MAPK10: variants seen among roughly 807,000 people sequenced by gnomAD.
MAPK10 encodes JNK3 alpha protein kinase.
A neutral mutation model predicts 59.3 loss-of-function variants in MAPK10; 25 were observed. The observed-to-expected ratio is 0.42, with a 90% CI of 0.31 to 0.59. The LOEUF is 0.59. MAPK10 is among the 20% of genes least tolerant of loss of function. The pLI is 0.15. For synonymous variants in MAPK10, 190 were observed against 200.5 expected, an observed-to-expected ratio of 0.95 and a Z score of 0.44; for missense variants, 351 against 568.9, an observed-to-expected ratio of 0.62 and a Z score of 3.90.
chr4:86,552,455 AGGAAGGAGGGAGGGAGGGAGGGAG>A (rs1440455400), intron 1 of MAPK10, among the ~76,000 whole-genome samples: 2 of 69,868 alleles, frequency 2.9e-5, no homozygotes, highest in African/African-American at 1.0e-4. Context: ...GAAGGAAGGA[AGGAAGGAGGGAGGGAGGGAGGGAG>A]GGAGGGAGGG....
intron 1 of MAPK10, among the ~76,000 whole-genome samples, chr4:86,489,614 T>G (rs1754302880): frequency 6.6e-6 from 1 of 152,206 alleles, no homozygotes; most frequent in Admixed American, 6.5e-5. Flanking sequence ...GAAAAGGATT[T>G]CTCCTAAAGT....
At chr4:86,225,636 C>T (rs1288121219) in intron 2 of MAPK10, among the ~76,000 whole-genome samples, 1 of 152,120 alleles carries the variant, frequency 6.6e-6, no homozygotes, top group African/African-American at 2.4e-5. Context: ...GGGACCCGCC[C>T]CCCAACACAT....
chr4:86,160,715 G>C (rs1490329670), intron 3 of MAPK10, among the ~76,000 whole-genome samples: 3 of 151,814 alleles, frequency 2.0e-5, no homozygotes, highest in Non-Finnish European at 4.4e-5. Context: ...TGAAAAATCT[G>C]CCTATAATGT....
At chr4:86,041,588 A>G (rs2041531837) in intron 11 of MAPK10, among the ~76,000 whole-genome samples, 1 of 152,248 alleles carries the variant, frequency 6.6e-6, no homozygotes, top group Admixed American at 6.5e-5. Flanking sequence ...CTCATTTGAC[A>G]AAGGTCTAAT....
chr4:86,372,380 G>A (rs1337643027), intron 1 of MAPK10, among the ~76,000 whole-genome samples: 1 of 151,856 alleles, frequency 6.6e-6, no homozygotes, highest in African/African-American at 2.4e-5. Flanking sequence ...AGCTGGGCGT[G>A]GTGGTGTGTG....
chr4:86,394,245 G>A (rs1564792399), intron 1 of MAPK10, among the ~76,000 whole-genome samples: 1 of 151,600 alleles, frequency 6.6e-6, no homozygotes, highest in African/African-American at 2.4e-5. Context: ...CTCCAGCCTG[G>A]GCAACACAGC....
chr4:86,400,079 G>T (rs1012820544), intron 1 of MAPK10, among the ~76,000 whole-genome samples: 3 of 152,034 alleles, frequency 2.0e-5, no homozygotes, highest in African/African-American at 7.2e-5. Flanking sequence ...TTATCATGCA[G>T]ATATACAAAT....
chr4:86,086,484 G>T (rs2051886670), intron 9 of MAPK10, among the ~76,000 whole-genome samples: 1 of 152,008 alleles, frequency 6.6e-6, no homozygotes, highest in South Asian at 2.1e-4. Context: ...ATTATGCATT[G>T]CATGCCTGTA....
At chr4:86,034,803 T>C (rs1022120471) in intron 11 of MAPK10, among the ~76,000 whole-genome samples, 1 of 151,978 alleles carries the variant, frequency 6.6e-6, no homozygotes, top group Non-Finnish European at 1.5e-5. Context: ...GAAAGATGTG[T>C]GGGAGGTTGT....
At chr4:86,380,422 T>A (rs1740520534) in intron 1 of MAPK10, among the ~76,000 whole-genome samples, 1 of 152,222 alleles carries the variant, frequency 6.6e-6, no homozygotes, top group Admixed American at 6.5e-5. Context: ...AATTAAGCCC[T>A]AAATTCTGCC....
chr4:86,213,129 A>G (rs934923410), intron 2 of MAPK10, among the ~76,000 whole-genome samples: 3 of 152,162 alleles, frequency 2.0e-5, no homozygotes, highest in African/African-American at 7.2e-5. Flanking sequence ...ATAAGGGAAA[A>G]TATAAATTCA....
At chr4:86,391,652 GA>G (rs1742201189) in intron 1 of MAPK10, among the ~76,000 whole-genome samples, 1 of 152,110 alleles carries the variant, frequency 6.6e-6, no homozygotes, top group Non-Finnish European at 1.5e-5. Flanking sequence ...TCTAGGACAT[GA>G]AATTCCTGCA....
At chr4:86,218,580 A>AC (rs1360754090) in intron 2 of MAPK10, among the ~76,000 whole-genome samples, 2 of 152,058 alleles carry the variant, frequency 1.3e-5, no homozygotes, top group Non-Finnish European at 2.9e-5. Flanking sequence ...AAAAAAAAAA[A>AC]AAAAAAACAC....
chr4:86,252,586 T>C (rs1282228330), intron 2 of MAPK10, among the ~76,000 whole-genome samples: 1 of 137,674 alleles, frequency 7.3e-6, no homozygotes, highest in Non-Finnish European at 1.5e-5. Context: ...CCTTGTAGTA[T>C]AGTTTGAAGT....
intron 2 of MAPK10, among the ~76,000 whole-genome samples, chr4:86,328,474 C>T (rs1405100033): frequency 2.6e-5 from 4 of 152,026 alleles, no homozygotes; most frequent in African/African-American, 7.2e-5. Flanking sequence ...CAAGAAATAC[C>T]ACGTGACCCA....
intron 2 of MAPK10, among the ~76,000 whole-genome samples, chr4:86,305,796 G>A (rs2095556454): frequency 6.7e-6 from 1 of 150,154 alleles, no homozygotes; most frequent in Admixed American, 6.6e-5. Flanking sequence ...TACAGCCTGG[G>A]CGACAAGAGG....
At chr4:86,232,571 C>T (rs1200718125) in intron 2 of MAPK10, among the ~76,000 whole-genome samples, 2 of 152,140 alleles carry the variant, frequency 1.3e-5, no homozygotes, top group African/African-American at 4.8e-5. Flanking sequence ...GACAGGGTTT[C>T]ACCATCTTAG....
chr4:86,353,362 T>C (rs1471284368), intron 2 of MAPK10, among the ~76,000 whole-genome samples: 1 of 152,112 alleles, frequency 6.6e-6, no homozygotes, highest in Non-Finnish European at 1.5e-5. Context: ...TCAATAAGAG[T>C]TTGATTAATG....
intron 1 of MAPK10, among the ~76,000 whole-genome samples, chr4:86,589,154 G>GA (rs541715344): frequency 8.0e-5 from 12 of 150,120 alleles, no homozygotes; most frequent in South Asian, 4.2e-4. Flanking sequence ...TTTGGTAACA[G>GA]AAAAAAAAAT....
Sources: allele counts gnomAD v4.1 joint callset (sites outside exome capture counted in the v4.1 genomes callset), GRCh38; gene constraint gnomAD v4.1.1; transcripts MANE v1.5; gene names NCBI Gene and HGNC (gene_info 2026-07-23, HGNC 2026-07-21).